Variants in CASQ2 observed in about 807,000 individuals in gnomAD.
CASQ2 encodes calsequestrin-2.
A neutral mutation model predicts 46.5 loss-of-function variants in CASQ2; 49 were observed. The observed-to-expected ratio is 1.05, with a 90% CI of 0.84 to 1.34. The LOEUF is 1.34. CASQ2 is among the 40% of genes most tolerant of loss of function. The pLI is 0.00. For synonymous variants in CASQ2, 174 were observed against 168.5 expected, an observed-to-expected ratio of 1.03 and a Z score of -0.25; for missense variants, 486 against 481.3, an observed-to-expected ratio of 1.01 and a Z score of -0.09.
intron 3 of CASQ2, among the ~76,000 whole-genome samples, chr1:115,738,783 A>G: frequency 6.6e-6 from 1 of 152,134 alleles, no homozygotes; most frequent in Admixed American, 6.5e-5. Flanking sequence ...ATTATTCACT[A>G]TATTCACCAT....
chr1:115,766,920 A>T (rs534072980), intron 1 of CASQ2, among the ~76,000 whole-genome samples: 18 of 139,088 alleles, frequency 1.3e-4, no homozygotes, highest in African/African-American at 4.6e-4. Context: ...GATAGATAGA[A>T]GGATGATAGA....
Position 115,761,529 on chromosome 1 carries a change from G to GAAGAAGAAGAAGA in CASQ2, c.234+6778_234+6779insTCTTCTTCTTCTT, listed in dbSNP as rs1557806976. Among the ~76,000 whole-genome samples, 2 of 67,866 alleles carry GAAGAAGAAGAAGA rather than the reference G, an allele frequency of 2.9e-5. 1 individual carries two copies. The highest frequency in any genetic ancestry group is 1.0e-4 in the African/African-American group (2 of 20,060). 44.5% of individuals were successfully genotyped at this position (67,866 alleles called of 152,430 possible). On this transcript the variant is annotated intron_variant, in intron 1 of 10. Transcript: ENST00000261448. ...AGAAGAAGAAGAAGAAGAAGAAGAA[G>GAAGAAGAAGAAGA]AGTTCATAAAGTGCACATGAGTCTT...
chr1:115,713,367 C>T (rs1040748213), intron 8 of CASQ2, among the ~76,000 whole-genome samples: 1 of 152,190 alleles, frequency 6.6e-6, no homozygotes, highest in Non-Finnish European at 1.5e-5. Context: ...AATGTCCTTC[C>T]CAGCCAGGCC....
chr1:115,727,320 G>A (rs925151270), intron 5 of CASQ2, among the ~76,000 whole-genome samples, 198 bp from the exon 6 acceptor site: 2 of 152,182 alleles, frequency 1.3e-5, no homozygotes, highest in African/African-American at 4.8e-5. Flanking sequence ...ATCAAAGAAG[G>A]AAAGATAGGA....
At chr1:115,703,754 T>A (rs766144546) in intron 9 of CASQ2, among the ~76,000 whole-genome samples, 1 of 151,882 alleles carries the variant, frequency 6.6e-6, no homozygotes, top group Non-Finnish European at 1.5e-5. Flanking sequence ...CTACAAGAAA[T>A]TTTAAAAATT....
intron 1 of CASQ2, among the ~76,000 whole-genome samples, chr1:115,745,548 G>C (rs1181821333): frequency 6.6e-6 from 1 of 152,050 alleles, no homozygotes; most frequent in South Asian, 2.1e-4. Context: ...AACTTCTCTG[G>C]GTAGACACCA....
intron 4 of CASQ2, 147 bp from the exon 5 acceptor site, chr1:115,733,121 ATAT>A: frequency 3.4e-6 from 2 of 579,802 alleles, no homozygotes; most frequent in Non-Finnish European, 6.0e-6. Context: ...ATGTTATTTA[ATAT>A]TATTTAAGCC....
At chr1:115,745,417 C>T (rs1423855975) in intron 1 of CASQ2, among the ~76,000 whole-genome samples, 4 of 152,098 alleles carry the variant, frequency 2.6e-5, no homozygotes, top group Non-Finnish European at 5.9e-5. Context: ...GGTGAATAGA[C>T]CTGAGATGTC....
At chr1:115,756,531 C>T (rs889809931) in intron 1 of CASQ2, among the ~76,000 whole-genome samples, 2 of 152,174 alleles carry the variant, frequency 1.3e-5, no homozygotes, top group Non-Finnish European at 2.9e-5. Context: ...AAAGAAAAAT[C>T]TTGTGATTTG....
intron 1 of CASQ2, among the ~76,000 whole-genome samples, chr1:115,749,827 A>G (rs10754355): frequency 0.71 from 108,083 of 152,024 alleles, 42,150 homozygotes; most frequent in Non-Finnish European, 0.88. Flanking sequence ...CTCTCCTGCA[A>G]CCTAGTCTCA....
At chr1:115,708,684 C>T (rs951435993) in intron 8 of CASQ2, among the ~76,000 whole-genome samples, 2 of 152,200 alleles carry the variant, frequency 1.3e-5, no homozygotes, top group African/African-American at 4.8e-5. Flanking sequence ...CATTATTTTA[C>T]TTAAATTACC....
rs745682546 is a variant in CASQ2, at chr1:115,723,585, TG to T, written c.783+1922del. Among the ~76,000 whole-genome samples the T allele has an allele frequency of 3.0e-3, 451 of 152,288 alleles. 2 individuals are homozygous for T. The highest frequency in any genetic ancestry group is 3.4e-3 in the Non-Finnish European group (233 of 68,018). ...CAGGGTCTCACTCTGTTGCCCAGGC[TG>T]GAGTGCAGTGGTGCAATCACAGCTA... On this transcript the variant is annotated intron_variant, in intron 7 of 10. Transcript: ENST00000261448.
chr1:115,747,863 C>T (rs1648442078), intron 1 of CASQ2, among the ~76,000 whole-genome samples: 1 of 151,864 alleles, frequency 6.6e-6, no homozygotes, highest in African/African-American at 2.4e-5. Context: ...TTGTAGATTC[C>T]TTGGGATTTT....
At chr1:115,755,064 G>A (rs752035590) in intron 1 of CASQ2, among the ~76,000 whole-genome samples, 1 of 152,236 alleles carries the variant, frequency 6.6e-6, no homozygotes, top group Non-Finnish European at 1.5e-5. Context: ...CACATTGAGA[G>A]CTGTGGCTCT....
chr1:115,723,873 T>A (rs897705557), intron 7 of CASQ2, among the ~76,000 whole-genome samples: 6 of 152,178 alleles, frequency 3.9e-5, no homozygotes, highest in African/African-American at 1.4e-4. Flanking sequence ...AAGGTTTAAA[T>A]GTTAGGAAAG....
At chr1:115,703,373 C>T (rs1467278652) in intron 9 of CASQ2, among the ~76,000 whole-genome samples, 1 of 152,118 alleles carries the variant, frequency 6.6e-6, no homozygotes, top group Non-Finnish European at 1.5e-5. Flanking sequence ...CTGGGAAAGC[C>T]ATGATGGGTC....
At chr1:115,740,968 G>A (rs1322734609) in intron 2 of CASQ2, 140 bp from the exon 3 acceptor site, 2 of 685,632 alleles carry the variant, frequency 2.9e-6, no homozygotes, top group African/African-American at 3.6e-5. Context: ...AGAAGCAGTT[G>A]CCTTGAAATA....
At chr1:115,710,469 G>A (rs1263542249) in intron 8 of CASQ2, among the ~76,000 whole-genome samples, 1 of 152,164 alleles carries the variant, frequency 6.6e-6, no homozygotes, top group African/African-American at 2.4e-5. Flanking sequence ...TCCTACCAAT[G>A]TTGCTGCCAT....
intron 8 of CASQ2, among the ~76,000 whole-genome samples, chr1:115,713,376 C>T (rs1654606628): frequency 6.6e-6 from 1 of 152,192 alleles, no homozygotes; most frequent in African/African-American, 2.4e-5. Context: ...CCCAGCCAGG[C>T]CTGCCTAAGG....
Sources: gnomAD v4.1 joint callset for allele counts (sites outside exome capture counted in the v4.1 genomes callset) on GRCh38, gnomAD v4.1.1 for gene constraint, MANE v1.5 for transcripts, NCBI Gene and HGNC (gene_info 2026-07-23, HGNC 2026-07-21) for gene names.